PSD2: variants seen among roughly 807,000 people sequenced by gnomAD.
The protein encoded by PSD2 is pleckstrin and Sec7 domain containing 2.
In PSD2, 38 loss-of-function variants were observed where a neutral mutation model predicts 69.8. The observed-to-expected ratio is 0.54, with a 90% CI of 0.42 to 0.71. The LOEUF (loss-of-function observed/expected upper bound fraction) is 0.71, where lower values mean the gene tolerates loss of function less well. Among genes scored for constraint, PSD2 ranks in the 30% least tolerant of loss-of-function variants. The pLI is 0.00. For missense variants in PSD2, 943 were observed against 1,014.5 expected (o/e 0.93, Z 0.96); for synonymous variants, 412 against 423.0 (o/e 0.97, Z 0.32).
the PSD2 span, among the ~76,000 whole-genome samples, chr5:139,753,365 T>C: frequency 1.3e-5 from 2 of 152,130 alleles, no homozygotes; most frequent in African/African-American, 4.8e-5. Flanking sequence ...CTCCATGCTT[T>C]TGGGTAACTG....
chr5:139,799,688 G>C (rs73263133), intron 1 of PSD2, among the ~76,000 whole-genome samples: 4 of 152,136 alleles, frequency 2.6e-5, no homozygotes, highest in Non-Finnish European at 2.9e-5. Context: ...CACAAGACAG[G>C]GGGGACAGCA....
In PSD2 at chr5:139,842,280, T is replaced by C. The variant is rs1180272798; in HGVS notation, c.2122T>C (p.Tyr708His). ...EHYLTFEKSR[Y>H]ETYIHLLAMK... ...TTTGGCCTTTCCCCAGAAAAGCCGTTATGAGACCTATATCCACCTCCTGGC... is the reference window on the plus strand; with the variant it reads ...TTTGGCCTTTCCCCAGAAAAGCCGTCATGAGACCTATATCCACCTCCTGGC... The change falls in exon 15 of 15, where the codon TAT becomes CAT. Residue 708 changes from tyrosine to histidine, a missense_variant. Tyr to His is a moderately conservative substitution (Grantham distance 83). Coordinates refer to ENST00000274710, the MANE Select transcript of PSD2 (RefSeq NM_032289.4). 2 of 1,614,180 alleles carry C rather than the reference T, an allele frequency of 1.2e-6. No homozygotes were observed. Among genetic ancestry groups the C allele is most frequent in the East Asian group, 2.2e-5 (1 of 44,884 alleles).
the PSD2 span, among the ~76,000 whole-genome samples, chr5:139,780,895 A>G: frequency 6.6e-6 from 1 of 152,204 alleles, no homozygotes; most frequent in African/African-American, 2.4e-5. Flanking sequence ...AGCTACCATT[A>G]TCCCCATTTT....
At chr5:139,790,322 C>G in the PSD2 span, among the ~76,000 whole-genome samples, 1 of 152,006 alleles carries the variant, frequency 6.6e-6, no homozygotes, top group African/African-American at 2.4e-5. Flanking sequence ...CTAGTGGCAA[C>G]TTCAGGTCAG....
the PSD2 span, among the ~76,000 whole-genome samples, chr5:139,765,614 A>G: frequency 6.6e-6 from 1 of 152,334 alleles, no homozygotes; most frequent in East Asian, 1.9e-4. Context: ...GCCGGGCCGC[A>G]GTGCTCGCAG....
chr5:139,813,259 G>A, intron 2 of PSD2, 50 bp from the exon 3 acceptor site: 1 of 1,469,928 alleles, frequency 6.8e-7, no homozygotes. Context: ...ACCAGCACCT[G>A]TATGGGGGAC....
the PSD2 span, among the ~76,000 whole-genome samples, chr5:139,790,224 G>C: frequency 5.9e-5 from 9 of 152,272 alleles, no homozygotes; most frequent in Admixed American, 3.9e-4. Flanking sequence ...TTCGAGACCA[G>C]GCTGGCCTTG....
the PSD2 span, among the ~76,000 whole-genome samples, chr5:139,776,685 T>TTTC: frequency 5.5e-4 from 83 of 149,940 alleles, 1 homozygote; most frequent in South Asian, 3.4e-3. Context: ...TTTTTTTTTT[T>TTTC]CCAGATAGGG....
the PSD2 span, among the ~76,000 whole-genome samples, chr5:139,777,160 CT>C: frequency 6.6e-6 from 1 of 152,230 alleles, no homozygotes; most frequent in Non-Finnish European, 1.5e-5. Flanking sequence ...TATAAACAAC[CT>C]TTTCAGCCCT....
the PSD2 span, among the ~76,000 whole-genome samples, chr5:139,777,874 T>C: frequency 6.6e-6 from 1 of 152,008 alleles, no homozygotes; most frequent in Admixed American, 6.6e-5. Flanking sequence ...CAGAGGGAGA[T>C]CCTGTCTCAA....
chr5:139,755,050 T>A, the PSD2 span, among the ~76,000 whole-genome samples: 1 of 152,204 alleles, frequency 6.6e-6, no homozygotes. Context: ...TCGCAGACAG[T>A]CCCGTAGGGG....
chr5:139,794,590 G>A (rs1182937664), upstream of PSD2, among the ~76,000 whole-genome samples: 2 of 152,236 alleles, frequency 1.3e-5, no homozygotes, highest in Non-Finnish European at 1.5e-5. Context: ...TTCAGTAGGA[G>A]TTCACTGAGC....
chr5:139,809,727 C>A lies in PSD2; in HGVS notation c.287C>A (p.Ser96Tyr). 6.2e-7 allele frequency: 1 copy of A among 1,614,230 alleles called. No individual in the cohort carries two copies. The highest frequency in any genetic ancestry group is 8.5e-7 in the Non-Finnish European group (1 of 1,180,028). ...DLNILEDSAE[S>Y]RPWRAGVLAE... ...AACATTCTGGAAGATTCAGCGGAGT[C>A]CAGGCCCTGGAGGGCTGGCGTGCTG... Residue 96 changes from serine (S) to tyrosine (Y), a missense_variant, in exon 2 of 15, where the codon TCC becomes TAC. This residue lies in a region of PSD2 where 466 missense variants were observed against 445.0 expected (regional missense o/e 1.05). Coordinates refer to ENST00000274710, the MANE Select transcript of PSD2 (RefSeq NM_032289.4).
At chr5:139,830,626 C>CTCTTTCTTTATTTCTTTCTTTCTT (rs1760568212) in intron 7 of PSD2, among the ~76,000 whole-genome samples, 1 of 97,662 alleles carries the variant, frequency 1.0e-5, no homozygotes, top group Non-Finnish European at 1.8e-5. Context: ...TTCTTTCTTT[C>CTCTTTCTTTATTTCTTTCTTTCTT]TCTTTCTTTC....
At chr5:139,804,659 G>A (rs1474602687) in intron 1 of PSD2, among the ~76,000 whole-genome samples, 1 of 152,204 alleles carries the variant, frequency 6.6e-6, no homozygotes, top group African/African-American at 2.4e-5. Context: ...TGTGGTCTCA[G>A]CCTTGCCACC....
the PSD2 span, among the ~76,000 whole-genome samples, chr5:139,766,691 G>A: frequency 2.0e-5 from 3 of 152,134 alleles, no homozygotes; most frequent in South Asian, 2.1e-4. Context: ...CTCCATCCTC[G>A]CCATTGCCTG....
the PSD2 span, among the ~76,000 whole-genome samples, chr5:139,768,033 C>T: frequency 6.6e-6 from 1 of 152,268 alleles, no homozygotes; most frequent in African/African-American, 2.4e-5. Flanking sequence ...GCTCCCCTGT[C>T]CCCTGGGCCT....
At chr5:139,748,916 T>A in the PSD2 span, among the ~76,000 whole-genome samples, 1 of 139,502 alleles carries the variant, frequency 7.2e-6, no homozygotes, top group Non-Finnish European at 1.5e-5. Flanking sequence ...TTGGGGGGGG[T>A]GAATACATAG....
the PSD2 span, among the ~76,000 whole-genome samples, chr5:139,775,632 G>C: frequency 6.6e-6 from 1 of 152,090 alleles, no homozygotes; most frequent in Non-Finnish European, 1.5e-5. Flanking sequence ...GAACTCATCT[G>C]CAGGGGAGGG....
Sources: allele counts gnomAD v4.1 joint callset (sites outside exome capture counted in the v4.1 genomes callset), GRCh38; gene constraint gnomAD v4.1.1; regional missense constraint gnomAD v4.1.1; transcripts MANE v1.5; gene names NCBI Gene and HGNC (gene_info 2026-07-23, HGNC 2026-07-21).